The following HTR4 variants were observed in gnomAD, a reference collection of about 807,000 sequenced individuals.
The protein encoded by HTR4 is 5-hydroxytryptamine (serotonin) receptor 4, G protein-coupled.
HTR4 carries 16 observed loss-of-function variants against 36.8 expected under a neutral mutation model. That is an observed-to-expected ratio of 0.43 (90% CI 0.29 to 0.66). HTR4 has a LOEUF of 0.66. HTR4 is among the 30% of genes least tolerant of loss of function. The probability of loss-of-function intolerance (pLI) is 0.13; values close to 1 mark genes in which losing one functional copy is unlikely to be tolerated. For synonymous variants in HTR4, 189 were observed against 185.1 expected (o/e 1.02, Z -0.17); for missense variants, 438 against 490.9 (o/e 0.89, Z 1.02).
At chr5:148,510,168 G>A (rs1382435195) in intron 5 of HTR4, 144 bp from the exon 6 acceptor site, 2 of 600,378 alleles carry the variant, frequency 3.3e-6, no homozygotes, top group Non-Finnish European at 5.9e-6. Flanking sequence ...TAAAAAGAAG[G>A]GGAAGAGAAC....
intron 2 of HTR4, among the ~76,000 whole-genome samples, chr5:148,563,935 A>ACTG (rs201083275): frequency 0.04 from 6,099 of 152,154 alleles, 375 homozygotes; most frequent in African/African-American, 0.14. Context: ...TGACTGACTG[A>ACTG]ATGAATGAAT....
chr5:148,635,111 TA>T (rs1400059810), intron 2 of HTR4, among the ~76,000 whole-genome samples: 1 of 152,154 alleles, frequency 6.6e-6, no homozygotes, highest in African/African-American at 2.4e-5. Flanking sequence ...TATAAGGAAA[TA>T]TTTTTCACTA....
At chr5:148,453,600 A>C (rs1489265911) in intron 5 of HTR4, among the ~76,000 whole-genome samples, 1 of 152,178 alleles carries the variant, frequency 6.6e-6, no homozygotes, top group African/African-American at 2.4e-5. Flanking sequence ...ATATCTGAAG[A>C]ACCTCAAGGA....
intron 2 of HTR4, among the ~76,000 whole-genome samples, chr5:148,624,829 C>T (rs1263076498): frequency 6.6e-6 from 1 of 152,014 alleles, no homozygotes; most frequent in Non-Finnish European, 1.5e-5. Context: ...GAGATATTGC[C>T]TAAAGAGTTA....
At chr5:148,650,025 T>TG (rs1554103361) in intron 1 of HTR4, among the ~76,000 whole-genome samples, 1,906 of 125,390 alleles carry the variant, frequency 0.015, 38 homozygotes, top group African/African-American at 0.05. Context: ...CAGCAATTTG[T>TG]GTTTTTTTTT....
At chr5:148,632,392 T>G (rs1429223511) in intron 2 of HTR4, among the ~76,000 whole-genome samples, 2 of 152,132 alleles carry the variant, frequency 1.3e-5, no homozygotes. Context: ...AACAGTCATT[T>G]CGTGGAGAAG....
intron 4 of HTR4, among the ~76,000 whole-genome samples, chr5:148,533,701 A>G (rs1014939352): frequency 1.3e-5 from 2 of 152,212 alleles, no homozygotes; most frequent in Non-Finnish European, 2.9e-5. Context: ...TTAACTCCTT[A>G]GTAGCTCTGT....
intron 1 of HTR4, among the ~76,000 whole-genome samples, chr5:148,640,189 C>A (rs147306090): frequency 1.8e-4 from 27 of 152,326 alleles, no homozygotes; most frequent in Admixed American, 3.3e-4. Context: ...CCCACTGGAG[C>A]AACAGAGTAT....
At chr5:148,481,356 G>C (rs1485274270), downstream of HTR4, 2 of 575,416 alleles carry the variant, frequency 3.5e-6, no homozygotes, top group Admixed American at 6.4e-5. Flanking sequence ...GACAAGAATG[G>C]TTCCCTGGTT....
chr5:148,623,538 C>T (rs185967598), intron 2 of HTR4, among the ~76,000 whole-genome samples: 3 of 152,118 alleles, frequency 2.0e-5, no homozygotes, highest in Admixed American at 6.5e-5. Context: ...TAATTTGACA[C>T]GATCTCACTG....
chr5:148,451,380 A>C (rs1754970124), intron 5 of HTR4: 9 of 1,563,932 alleles, frequency 5.8e-6, no homozygotes, highest in Middle Eastern at 3.4e-4. Flanking sequence ...CATACTTCTG[A>C]GGGTATGGTG....
intron 3 of HTR4, among the ~76,000 whole-genome samples, chr5:148,549,405 A>C (rs933680475): frequency 2.0e-5 from 3 of 152,094 alleles, no homozygotes; most frequent in African/African-American, 7.2e-5. Flanking sequence ...TTGCATCATC[A>C]TTAGATGTGT....
chr5:148,538,864 G>A (rs529644397), intron 4 of HTR4, among the ~76,000 whole-genome samples: 4 of 152,152 alleles, frequency 2.6e-5, no homozygotes, highest in Admixed American at 2.6e-4. Flanking sequence ...TGCAGAAGTA[G>A]AAGAAAAACT....
At chr5:148,520,802 C>A in intron 5 of HTR4, 1 of 1,159,048 alleles carries the variant, frequency 8.6e-7, no homozygotes, top group Non-Finnish European at 1.2e-6. Context: ...AATGGTGAAA[C>A]TGACAGTTTA....
At position 148,570,930 on chromosome 5, in the gene HTR4, T is replaced by C. The variant is rs1378105126; in HGVS notation, c.27-20668A>G. ...GATACCAGTCAACCTATCTAGAACC[T>C]AGTTATTGGTGGAAGTGGCACCATC... On this transcript the variant is annotated intron_variant, in intron 2 of 6. Coordinates refer to ENST00000377888, the MANE Select transcript of HTR4 (RefSeq NM_000870.7). Among the ~76,000 whole-genome samples the C allele has an allele frequency of 5.3e-5, 8 of 152,118 alleles. No individual in the cohort carries two copies. In the East Asian group the frequency reaches 7.8e-4, roughly 15 times the overall value.
intron 4 of HTR4, among the ~76,000 whole-genome samples, chr5:148,544,438 T>C (rs1471798709): frequency 6.6e-6 from 1 of 152,098 alleles, no homozygotes; most frequent in African/African-American, 2.4e-5. Flanking sequence ...TTGCTTTTTT[T>C]CCCCCAACAT....
intron 6 of HTR4, among the ~76,000 whole-genome samples, chr5:148,483,679 C>T (rs987394473): frequency 3.3e-5 from 5 of 152,178 alleles, no homozygotes; most frequent in Non-Finnish European, 5.9e-5. Context: ...CCATAATGGG[C>T]ACTGTCCTTT....
chr5:148,506,014 A>C (rs1373262724), intron 6 of HTR4, among the ~76,000 whole-genome samples: 1 of 152,206 alleles, frequency 6.6e-6, no homozygotes, highest in Non-Finnish European at 1.5e-5. Context: ...AGAGAATTGG[A>C]AAAAACTACT....
chr5:148,578,306 ACT>A (rs1265463959), intron 2 of HTR4, among the ~76,000 whole-genome samples: 6 of 151,752 alleles, frequency 4.0e-5, no homozygotes, highest in African/African-American at 1.5e-4. Flanking sequence ...AATTATAAAC[ACT>A]CTAGGAAAAA....
Sources: gnomAD v4.1 joint callset for allele counts (sites outside exome capture counted in the v4.1 genomes callset) on GRCh38, gnomAD v4.1.1 for gene constraint, MANE v1.5 for transcripts, NCBI Gene and HGNC (gene_info 2026-07-23, HGNC 2026-07-21) for gene names.